LCLAT1: variants seen among roughly 807,000 people sequenced by gnomAD.
LCLAT1 encodes lysocardiolipin acyltransferase 1.
A neutral mutation model predicts 30.7 loss-of-function variants in LCLAT1; 11 were observed. The observed-to-expected ratio is 0.36, with a 90% CI of 0.23 to 0.59. The LOEUF is 0.59. Among genes scored for constraint, LCLAT1 ranks in the 20% least tolerant of loss-of-function variants. LCLAT1 has a pLI of 0.77. For missense variants in LCLAT1, 402 were observed against 458.6 expected, an observed-to-expected ratio of 0.88 and a Z score of 1.13; for synonymous variants, 155 against 151.3, an observed-to-expected ratio of 1.02 and a Z score of -0.18.
At chr2:30,552,812 G>T (rs896161118) in intron 3 of LCLAT1, among the ~76,000 whole-genome samples, 2 of 152,132 alleles carry the variant, frequency 1.3e-5, no homozygotes, top group African/African-American at 2.4e-5. Flanking sequence ...AGTAAATACA[G>T]TATTTTCTTA....
At chr2:30,620,434 G>A (rs149672491) in intron 5 of LCLAT1, among the ~76,000 whole-genome samples, 34 of 152,242 alleles carry the variant, frequency 2.2e-4, no homozygotes, top group African/African-American at 7.7e-4. Flanking sequence ...CCTCAACTAA[G>A]GAACAGATCT....
intron 3 of LCLAT1, among the ~76,000 whole-genome samples, chr2:30,550,702 T>G (rs1334071206): frequency 6.6e-6 from 1 of 152,136 alleles, no homozygotes; most frequent in African/African-American, 2.4e-5. Flanking sequence ...AAAGATGCTG[T>G]TTTCCCCTTT....
chr2:30,629,245 T>A (rs1251312120), intron 5 of LCLAT1, among the ~76,000 whole-genome samples: 1 of 152,184 alleles, frequency 6.6e-6, no homozygotes, highest in Non-Finnish European at 1.5e-5. Flanking sequence ...TAAACTTATT[T>A]TTTCTCATCA....
chr2:30,595,898 T>G (rs1666908980), intron 5 of LCLAT1, among the ~76,000 whole-genome samples: 1 of 152,128 alleles, frequency 6.6e-6, no homozygotes, highest in South Asian at 2.1e-4. Context: ...CATGTAGTGT[T>G]TTCTGTTCCC....
intron 5 of LCLAT1, among the ~76,000 whole-genome samples, chr2:30,627,099 C>G (rs2148523145): frequency 6.6e-6 from 1 of 152,156 alleles, no homozygotes; most frequent in East Asian, 1.9e-4. Flanking sequence ...CTCACCCATC[C>G]AAACCCAAAG....
intron 3 of LCLAT1, among the ~76,000 whole-genome samples, chr2:30,539,721 G>C (rs965483326): frequency 6.6e-6 from 1 of 151,992 alleles, no homozygotes; most frequent in Admixed American, 6.6e-5. Flanking sequence ...TTTTCAACTC[G>C]GGTATAATTT....
At chr2:30,601,442 G>A (rs1667180013) in intron 5 of LCLAT1, among the ~76,000 whole-genome samples, 1 of 152,116 alleles carries the variant, frequency 6.6e-6, no homozygotes, top group Non-Finnish European at 1.5e-5. Context: ...TGCTTTGTAA[G>A]TGAACATAAT....
rs552631184 is a variant in LCLAT1 at position 30,564,229 on chromosome 2, A to G, written c.511+1937A>G. ...GAAATATCAGCTTTATTTAATAAATATAGAGTATAGAAAGCCATTCACTGA... is the reference window on the plus strand; with the variant it reads ...GAAATATCAGCTTTATTTAATAAATGTAGAGTATAGAAAGCCATTCACTGA... On this transcript the variant is annotated intron_variant, in intron 4 of 5. Coordinates refer to ENST00000379509, the MANE Select transcript of LCLAT1 (RefSeq NM_001002257.3). Among the ~76,000 whole-genome samples, 9 of 150,472 alleles carry G rather than the reference A, an allele frequency of 6.0e-5. No homozygotes were observed. In the South Asian group the frequency reaches 1.9e-3, roughly 31 times the overall value.
chr2:30,586,257 A>AAG (rs1558537124), intron 5 of LCLAT1, among the ~76,000 whole-genome samples: 1 of 151,726 alleles, frequency 6.6e-6, no homozygotes, highest in African/African-American at 2.4e-5. Flanking sequence ...AAAAAAAAAA[A>AAG]AAAAACCCAG....
At chr2:30,621,758 T>G (rs1668261513) in intron 5 of LCLAT1, among the ~76,000 whole-genome samples, 1 of 152,084 alleles carries the variant, frequency 6.6e-6, no homozygotes, top group African/African-American at 2.4e-5. Flanking sequence ...GTGGGTACTC[T>G]CATTCCCAGG....
At chr2:30,467,716 G>T (rs796674423) in intron 1 of LCLAT1, among the ~76,000 whole-genome samples, 19 of 151,404 alleles carry the variant, frequency 1.3e-4, no homozygotes, top group African/African-American at 4.4e-4. Context: ...TCATGTGTCT[G>T]TTGGCTGCAT....
At chr2:30,455,092 T>C (rs1681762809) in intron 1 of LCLAT1, among the ~76,000 whole-genome samples, 1 of 151,972 alleles carries the variant, frequency 6.6e-6, no homozygotes, top group Non-Finnish European at 1.5e-5. Flanking sequence ...GTGGATATAA[T>C]TGGATCCAGT....
intron 1 of LCLAT1, among the ~76,000 whole-genome samples, chr2:30,455,733 C>G (rs1197955879): frequency 3.3e-5 from 5 of 151,396 alleles, no homozygotes; most frequent in Non-Finnish European, 5.9e-5. Flanking sequence ...ACAGGGAGGC[C>G]CTGACTCTAT....
At chr2:30,618,623 G>A (rs540316788) in intron 5 of LCLAT1, among the ~76,000 whole-genome samples, 1 of 152,170 alleles carries the variant, frequency 6.6e-6, no homozygotes, top group East Asian at 1.9e-4. Flanking sequence ...CTTAATAACT[G>A]GGTGATGAAA....
intron 1 of LCLAT1, among the ~76,000 whole-genome samples, chr2:30,493,675 A>T (rs11899182): frequency 6.6e-6 from 1 of 152,136 alleles, no homozygotes. Flanking sequence ...CTTTACTGCC[A>T]CATTCTCTCC....
intron 1 of LCLAT1, among the ~76,000 whole-genome samples, chr2:30,460,171 C>T (rs146089320): frequency 8.4e-4 from 128 of 152,208 alleles, no homozygotes; most frequent in Admixed American, 3.1e-3. Context: ...TTGGGGAGTC[C>T]AGCGGGGGTT....
chr2:30,524,644 A>G (rs181868971), intron 1 of LCLAT1, among the ~76,000 whole-genome samples: 3 of 152,306 alleles, frequency 2.0e-5, no homozygotes, highest in Admixed American at 6.5e-5. Flanking sequence ...GCATTGATAC[A>G]ATATATGCTA....
intron 1 of LCLAT1, among the ~76,000 whole-genome samples, chr2:30,483,231 T>C (rs1683401795): frequency 6.6e-6 from 1 of 152,140 alleles, no homozygotes; most frequent in African/African-American, 2.4e-5. Context: ...CTCACACCTC[T>C]AATCCCAGCA....
chr2:30,605,811 G>C (rs1026701835), intron 5 of LCLAT1, among the ~76,000 whole-genome samples: 2 of 152,126 alleles, frequency 1.3e-5, no homozygotes, highest in African/African-American at 4.8e-5. Context: ...ACCAGGCACT[G>C]GTTTTGTGGA....
Sources: allele counts gnomAD v4.1 joint callset (sites outside exome capture counted in the v4.1 genomes callset), GRCh38; gene constraint gnomAD v4.1.1; transcripts MANE v1.5; gene names NCBI Gene and HGNC (gene_info 2026-07-23, HGNC 2026-07-21).